TNFRSF8: variants seen among roughly 807,000 people sequenced by gnomAD.
TNFRSF8 encodes the protein TNF receptor superfamily member 8, also known as tumor necrosis factor receptor superfamily member 8.
Under a neutral mutation model 70.8 loss-of-function variants are expected in TNFRSF8, and 26 were observed. That is an observed-to-expected ratio of 0.37 (90% CI 0.27 to 0.51). The LOEUF (loss-of-function observed/expected upper bound fraction) is 0.51, where lower values mean the gene tolerates loss of function less well. TNFRSF8 is among the 20% of genes least tolerant of loss of function. TNFRSF8 has a pLI of 0.94. For synonymous variants in TNFRSF8, 356 were observed against 339.2 expected (o/e 1.05, Z -0.54); for missense variants, 720 against 807.9 (o/e 0.89, Z 1.32).
intron 10 of TNFRSF8, 51 bp downstream of exon 10, chr1:12,123,878 G>A (rs1641881708): frequency 6.8e-7 from 1 of 1,475,512 alleles, no homozygotes; most frequent in Non-Finnish European, 9.2e-7. Flanking sequence ...CTTCCTCCTG[G>A]GGAAGTGTGG....
Position 12,112,020 on chromosome 1 carries a change from G to A in TNFRSF8, c.793+6G>A, listed in dbSNP as rs1362409862. 10 of 1,607,978 alleles carry A rather than the reference G, an allele frequency of 6.2e-6. No homozygotes were observed. Among genetic ancestry groups the A allele is most frequent in the Admixed American group, 3.4e-5 (2 of 59,556 alleles). On this transcript the variant is annotated splice_donor_region_variant and intron_variant, in intron 7 of 14. Transcript: ENST00000263932. The surrounding 1 kb of genome is among the most constrained non-coding windows in gnomAD (Gnocchi z 5.3). ...CTGCGTGAGCTGTTCTCGAGGTAAG[G>A]GCCTCGTCCCTCCCCGGGCCTCAGT...
chr1:12,079,566 C>A (rs1170153175), intron 1 of TNFRSF8, among the ~76,000 whole-genome samples: 3 of 152,238 alleles, frequency 2.0e-5, no homozygotes, highest in Non-Finnish European at 4.4e-5. Flanking sequence ...GACGCCCCGG[C>A]CCTTGCCTCC....
At chr1:12,111,610 G>T (rs1641632439) in intron 6 of TNFRSF8, among the ~76,000 whole-genome samples, 1 of 152,198 alleles carries the variant, frequency 6.6e-6, no homozygotes, top group Admixed American at 6.5e-5. Context: ...GAGCAGGGGA[G>T]TGACAGAGCC....
Position 12,111,933 on chromosome 1 carries a change from G to A in TNFRSF8, c.712G>A (p.Gly238Ser). The A allele has an allele frequency of 6.2e-7, 1 of 1,614,232 alleles. No homozygotes were observed. The highest frequency in any genetic ancestry group is 2.2e-5 in the East Asian group (1 of 44,880). The change falls in exon 7 of 15, where the codon GGT (glycine) becomes AGT (serine). Residue 238 changes from glycine to serine, a missense_variant. By Grantham distance (56) the Gly-to-Ser change is moderately conservative. Coordinates refer to ENST00000263932, the MANE Select transcript of TNFRSF8 (RefSeq NM_001243.5). ...SPTQPCPEGS[G>S]DCRKQCEPDY... ...AACACAGCCATGCCCAGAGGGGTCTGGTGATTGCAGAAAGCAGTGTGAGCC... is the reference window on the plus strand; with the variant it reads ...AACACAGCCATGCCCAGAGGGGTCTAGTGATTGCAGAAAGCAGTGTGAGCC...
chr1:12,073,971 G>C (rs561756525), intron 1 of TNFRSF8, among the ~76,000 whole-genome samples: 7 of 151,754 alleles, frequency 4.6e-5, no homozygotes, highest in Non-Finnish European at 8.8e-5. Context: ...AGGGCTGGGT[G>C]GGTTTTACCT....
chr1:12,092,669 G>A (rs1351953229), intron 2 of TNFRSF8, among the ~76,000 whole-genome samples: 64 of 150,818 alleles, frequency 4.2e-4, no homozygotes, highest in African/African-American at 1.3e-3. Context: ...CACCACACCC[G>A]GCTAATTTTT....
intron 8 of TNFRSF8, among the ~76,000 whole-genome samples, chr1:12,118,912 T>C (rs1641782683): frequency 6.6e-6 from 1 of 152,172 alleles, no homozygotes; most frequent in Non-Finnish European, 1.5e-5. Context: ...TCGCCCAGGC[T>C]GGAGTGCAGT....
intron 12 of TNFRSF8, among the ~76,000 whole-genome samples, chr1:12,129,113 A>G (rs1200791201): frequency 6.6e-6 from 1 of 151,958 alleles, no homozygotes; most frequent in East Asian, 1.9e-4. Flanking sequence ...GTTTGCAGGC[A>G]TGAGCCACCA....
intron 1 of TNFRSF8, among the ~76,000 whole-genome samples, chr1:12,080,044 G>A (rs1641037040): frequency 6.6e-6 from 1 of 150,770 alleles, no homozygotes; most frequent in Admixed American, 6.6e-5. Context: ...CGCCTCCTGG[G>A]TTCAAGGGAT....
At chr1:12,070,642 A>G (rs1640826155) in intron 1 of TNFRSF8, among the ~76,000 whole-genome samples, 1 of 152,172 alleles carries the variant, frequency 6.6e-6, no homozygotes, top group Non-Finnish European at 1.5e-5. Flanking sequence ...CTTTCAAGCT[A>G]GAATCAACAG....
intron 10 of TNFRSF8, among the ~76,000 whole-genome samples, chr1:12,125,218 T>G (rs1226592566): frequency 1.3e-5 from 2 of 152,222 alleles, no homozygotes; most frequent in Non-Finnish European, 2.9e-5. Flanking sequence ...CTATGATCTC[T>G]GTAAGTGACA....
Position 12,108,700 on chromosome 1 carries a change from C to T in TNFRSF8, c.422-866C>T, listed in dbSNP as rs1228916390. Among the ~76,000 whole-genome samples, 2 of 152,126 alleles carry T rather than the reference C, an allele frequency of 1.3e-5. No individual in the cohort carries two copies. Among genetic ancestry groups the T allele is most frequent in the Non-Finnish European group, 2.9e-5 (2 of 68,024 alleles). ...TGGTTGCAGGCACCTGTAATCCCAG[C>T]TACTCAGGAGGCTGAGGCAGGAGAA... On this transcript the variant is annotated intron_variant, in intron 4 of 14. Coordinates refer to ENST00000263932, the MANE Select transcript of TNFRSF8 (RefSeq NM_001243.5). The surrounding 1 kb of genome is among the most constrained non-coding windows in gnomAD (Gnocchi z 4.0).
chr1:12,140,858 C>T lies in TNFRSF8; in HGVS notation c.1544-1429C>T, dbSNP rs990713208. On this transcript the variant is annotated intron_variant, in intron 14 of 14. Transcript: ENST00000263932. Reference sequence around the variant, plus strand: ...TCTTCTCTGCCCATCCCCCTCTGGGCCTTCTCTCCCCTCCTGGGGTCTCCT... The same window carrying T: ...TCTTCTCTGCCCATCCCCCTCTGGGTCTTCTCTCCCCTCCTGGGGTCTCCT... Among the ~76,000 whole-genome samples the T allele has an allele frequency of 2.6e-5, 4 of 151,698 alleles. No individual in the cohort carries two copies. In the East Asian group the frequency reaches 5.9e-4, roughly 22 times the overall value.
At chr1:12,121,199 A>G (rs1016809187) in intron 8 of TNFRSF8, among the ~76,000 whole-genome samples, 1 of 152,212 alleles carries the variant, frequency 6.6e-6, no homozygotes, top group African/African-American at 2.4e-5. Flanking sequence ...CATCTTCCCC[A>G]TAGTCTCCAG....
At chr1:12,133,486 A>C (rs1401034999) in intron 12 of TNFRSF8, among the ~76,000 whole-genome samples, 1 of 152,122 alleles carries the variant, frequency 6.6e-6, no homozygotes, top group Non-Finnish European at 1.5e-5. Flanking sequence ...TCACGCCTGT[A>C]ATCCCAGCAC....
At chr1:12,123,215 T>C in intron 8 of TNFRSF8, 69 bp from the exon 9 acceptor site, 1 of 1,384,296 alleles carries the variant, frequency 7.2e-7, no homozygotes, top group East Asian at 2.4e-5. Flanking sequence ...CAGTCCCTGC[T>C]GGTTAACTCT....
intron 1 of TNFRSF8, among the ~76,000 whole-genome samples, chr1:12,075,472 C>T (rs1640928063): frequency 6.6e-6 from 1 of 152,104 alleles, no homozygotes; most frequent in African/African-American, 2.4e-5. Context: ...AGCTTCCATA[C>T]TCATCTCTTT....
In TNFRSF8 at chr1:12,135,578, C is replaced by A; in HGVS notation, c.1310-10C>A. The A allele has an allele frequency of 2.5e-6, 4 of 1,614,090 alleles. No individual in the cohort carries two copies. The highest frequency in any genetic ancestry group is 3.4e-6 in the Non-Finnish European group (4 of 1,180,012). ...CTCCTTGGTGAAGTTGCTGCTCTTGCTTTTTGCAGATTCCAGACCCAGGAG... is the reference window on the plus strand; with the variant it reads ...CTCCTTGGTGAAGTTGCTGCTCTTGATTTTTGCAGATTCCAGACCCAGGAG... On this transcript the variant is annotated splice_polypyrimidine_tract_variant and intron_variant, in intron 12 of 14. Coordinates refer to ENST00000263932, the MANE Select transcript of TNFRSF8 (RefSeq NM_001243.5).
At position 12,110,888 on chromosome 1, in the gene TNFRSF8, A is replaced by G. The variant is rs1641618104; in HGVS notation, c.676+684A>G. ...GCTGGGAGGATTACAGGCGTGAGCC[A>G]CCGCGCCCAACCTAGTCCCATTTTA... On this transcript the variant is annotated intron_variant, in intron 6 of 14. Coordinates refer to ENST00000263932, the MANE Select transcript of TNFRSF8 (RefSeq NM_001243.5). This position sits in a 1 kb window ranked among gnomAD's most constrained non-coding sequence, Gnocchi z 4.0. Among the ~76,000 whole-genome samples, 1 of 152,120 alleles carries G rather than the reference A, an allele frequency of 6.6e-6. No individual in the cohort carries two copies. The highest frequency in any genetic ancestry group is 2.4e-5 in the African/African-American group (1 of 41,434).
Sources: allele counts gnomAD v4.1 joint callset (sites outside exome capture counted in the v4.1 genomes callset), GRCh38; gene constraint gnomAD v4.1.1; non-coding constraint Gnocchi (gnomAD v3.1); transcripts MANE v1.5; gene names NCBI Gene and HGNC (gene_info 2026-07-23, HGNC 2026-07-21).